The following APPL1 variants were observed in gnomAD, a reference collection of about 807,000 sequenced individuals.
APPL1 encodes adaptor protein, phosphotyrosine interacting with PH domain and leucine zipper 1.
In APPL1, 42 loss-of-function variants were observed where a neutral mutation model predicts 106.8. The ratio of observed to expected loss-of-function variants is 0.39; its 90% confidence interval spans 0.31 to 0.51. The LOEUF (loss-of-function observed/expected upper bound fraction) is 0.51. APPL1 is among the 20% of genes least tolerant of loss of function. APPL1 has a pLI of 0.75. For synonymous variants in APPL1, 263 were observed against 281.8 expected, an observed-to-expected ratio of 0.93 and a Z score of 0.67; for missense variants, 769 against 858.2, an observed-to-expected ratio of 0.90 and a Z score of 1.30.
rs561378594 is a variant in APPL1 at position 57,266,784 on chromosome 3, G to A, written c.1843-958G>A. On this transcript the variant is annotated intron_variant, in intron 19 of 21. Transcript: ENST00000288266. The stretch of plus-strand genomic sequence containing the variant: ...GATTTTTGTGTATGGTGAGAGGGAG[G>A]GGTCTGGTTTCATTCTTCTACATGT... Among the ~76,000 whole-genome samples, 9 of 152,150 alleles carry A rather than the reference G, an allele frequency of 5.9e-5. No individual in the cohort carries two copies. The South Asian group carries it at 1.9e-3, about 32-fold the overall frequency.
chr3:57,240,951 G>C (rs1315421254), intron 5 of APPL1, among the ~76,000 whole-genome samples: 2 of 152,214 alleles, frequency 1.3e-5, no homozygotes, highest in Non-Finnish European at 2.9e-5. Flanking sequence ...AGAGGGACTA[G>C]AGTGCACAAG....
At chr3:57,259,697 G>A in intron 16 of APPL1, 148 bp from the exon 17 acceptor site, 1 of 605,830 alleles carries the variant, frequency 1.7e-6, no homozygotes, top group East Asian at 3.2e-5. Flanking sequence ...ATTTTGAAAT[G>A]TCTCCCTTAG....
intron 1 of APPL1, among the ~76,000 whole-genome samples, chr3:57,234,260 T>G (rs2107596270): frequency 6.6e-6 from 1 of 152,150 alleles, no homozygotes; most frequent in African/African-American, 2.4e-5. Context: ...TTGATAGCCT[T>G]AGTTTCCTTA....
At position 57,242,108 on chromosome 3, in the gene APPL1, A is replaced by T; in HGVS notation, c.381A>T (p.Leu127=). Residue 127 remains leucine (L), a synonymous_variant, in exon 6 of 22, where the codon CTA becomes CTT. Coordinates refer to ENST00000288266, the MANE Select transcript of APPL1 (RefSeq NM_012096.3). ...QFKERDLKEI[L]TLKEVFQIAS... is the part of the protein sequence containing the mutation. ...ATTCTTGAACTTTTTCAGAAATACT[A>T]ACATTAAAGGAAGTATTTCAGATTG... The T allele has an allele frequency of 6.3e-7, 1 of 1,590,380 alleles. No homozygotes were observed. Among genetic ancestry groups the T allele is most frequent in the East Asian group, 2.3e-5 (1 of 44,238 alleles).
At chr3:57,261,375 T>A (rs2060864352) in intron 19 of APPL1, among the ~76,000 whole-genome samples, 1 of 152,238 alleles carries the variant, frequency 6.6e-6, no homozygotes. Flanking sequence ...AACATTTAGA[T>A]TGACTTAATA....
chr3:57,249,659 TTAAGA>T, intron 11 of APPL1, 111 bp downstream of exon 11: 1 of 928,970 alleles, frequency 1.1e-6, no homozygotes, highest in Non-Finnish European at 1.5e-6. Flanking sequence ...TCATTATGTA[TTAAGA>T]TAAATTGCTT....
At chr3:57,267,081 A>T (rs1163384087) in intron 19 of APPL1, among the ~76,000 whole-genome samples, 1 of 152,092 alleles carries the variant, frequency 6.6e-6, no homozygotes, top group African/African-American at 2.4e-5. Context: ...TTTGCATTGA[A>T]CCTATAGATT....
At position 57,269,845 on chromosome 3, in the gene APPL1, A is replaced by G. The variant is rs1039289464; in HGVS notation, c.*158A>G. 3.6e-5 allele frequency: 31 copies of G among 856,582 alleles called. No homozygotes were observed. The highest frequency in any genetic ancestry group is 5.0e-5 in the Non-Finnish European group (29 of 577,588). The allele number at this position is 856,582 out of a possible 1,614,324, so 53.1% of individuals were successfully genotyped here. A position where few individuals can be genotyped will look rare whatever the true frequency, so the allele number is the denominator to read the frequency against. On this transcript the variant is annotated 3_prime_UTR_variant, in exon 22 of 22. Transcript: ENST00000288266. ...TTTAAAAAAAAGATTGAACTTGATGACTTAGGTTTGCATTGATCTTTTTTC... is the reference window on the plus strand; with the variant it reads ...TTTAAAAAAAAGATTGAACTTGATGGCTTAGGTTTGCATTGATCTTTTTTC...
Position 57,246,935 on chromosome 3 carries a change from T to C in APPL1, c.622-460T>C, listed in dbSNP as rs77495090. Among the ~76,000 whole-genome samples the C allele has an allele frequency of 5.4e-4, 80 of 149,522 alleles. 1 individual carries two copies. In the East Asian group the frequency reaches 8.7e-3, roughly 16 times the overall value. ...GAAGGATCCCTTGAGCCTAGGAGGCTGAGGCTGCAGTGAGGTTTTATTGTG... is the reference window on the plus strand; with the variant it reads ...GAAGGATCCCTTGAGCCTAGGAGGCCGAGGCTGCAGTGAGGTTTTATTGTG... On this transcript the variant is annotated intron_variant, in intron 8 of 21. Coordinates refer to ENST00000288266, the MANE Select transcript of APPL1 (RefSeq NM_012096.3).
In APPL1 at chr3:57,228,003, C is replaced by T; in HGVS notation, c.54+66C>T. ...CTGGCCGACCCCAGGTCTGGCGCCT[C>T]CGCGGCTCCCGCAGGTGCCCGCCCC... On this transcript the variant is annotated intron_variant, in intron 1 of 21. Transcript: ENST00000288266. The surrounding 1 kb of genome is among the most constrained non-coding windows in gnomAD (Gnocchi z 4.6). 3 of 1,306,364 alleles carry T rather than the reference C, an allele frequency of 2.3e-6. No individual in the cohort carries two copies. The highest frequency in any genetic ancestry group is 3.0e-6 in the Non-Finnish European group (3 of 1,002,696). 80.9% of individuals were successfully genotyped at this position (1,306,364 alleles called of 1,614,324 possible). A position where few individuals can be genotyped will look rare whatever the true frequency, so the allele number is the denominator to read the frequency against.
chr3:57,267,028 ATGCCTCCAGC>A (rs2107612263), intron 19 of APPL1, among the ~76,000 whole-genome samples: 2 of 152,054 alleles, frequency 1.3e-5, no homozygotes, highest in South Asian at 4.1e-4. Flanking sequence ...AGGTAATGTG[ATGCCTCCAGC>A]TTTGTTCTTT....
intron 12 of APPL1, among the ~76,000 whole-genome samples, chr3:57,253,378 A>G (rs959325958): frequency 2.6e-5 from 4 of 152,082 alleles, no homozygotes; most frequent in African/African-American, 9.7e-5. Context: ...ATTGCCTTAT[A>G]TGAATTAAAC....
In APPL1 at chr3:57,262,927, T is replaced by C. The variant is rs530825957; in HGVS notation, c.1842+2153T>C. Among the ~76,000 whole-genome samples, 37 of 151,026 alleles carry C rather than the reference T, an allele frequency of 2.4e-4. No individual in the cohort carries two copies. The Middle Eastern group carries it at 0.01, about 43-fold the overall frequency. On this transcript the variant is annotated intron_variant, in intron 19 of 21. Coordinates refer to ENST00000288266, the MANE Select transcript of APPL1 (RefSeq NM_012096.3). ...GTGCAATGGCGCGATCTTGGCTCAT[T>C]GCAACCTCCGCCCCCTCGGGTTTAA...
At chr3:57,250,912 A>G (rs1205909764) in intron 11 of APPL1, among the ~76,000 whole-genome samples, 3 of 139,048 alleles carry the variant, frequency 2.2e-5, no homozygotes, top group Middle Eastern at 4.4e-3. Flanking sequence ...GGTTCACGCC[A>G]TTCTCCTGCC....
chr3:57,269,633 G>A lies in APPL1; in HGVS notation c.2076G>A (p.Gln692=), dbSNP rs146152896. 1 of 1,614,114 alleles carries A rather than the reference G, an allele frequency of 6.2e-7. No individual in the cohort carries two copies. The highest frequency in any genetic ancestry group is 1.1e-5 in the South Asian group (1 of 91,068). Residue 692 remains glutamine (Q), a synonymous_variant, in exon 22 of 22, where the codon CAG becomes CAA. Transcript: ENST00000288266. ...EGQFVVLSSS[Q]SEESDLGEGG... is the part of the protein sequence containing the mutation. ...AGTTTGTTGTCCTTAGCAGTAGCCA[G>A]TCAGAAGAGAGTGATTTGGGAGAAG...
chr3:57,268,417 AAC>A lies in APPL1; in HGVS notation c.1915_1916del (p.Gln639LysfsTer16). On this transcript the variant is annotated frameshift_variant, in exon 21 of 22. Transcript: ENST00000288266. LOFTEE classifies it high-confidence loss of function. ...CTTTAGGATCGTAGGGCATCAGAAAAACAAAAAGAAATAGAGAGAGTAAAAGA... is the reference window on the plus strand; with the variant it reads ...CTTTAGGATCGTAGGGCATCAGAAAAAAAAAGAAATAGAGAGAGTAAAAGA... The A allele has an allele frequency of 6.3e-7, 1 of 1,594,998 alleles. No individual in the cohort carries two copies. Among genetic ancestry groups the A allele is most frequent in the Non-Finnish European group, 8.5e-7 (1 of 1,169,616 alleles).
At chr3:57,232,280 A>G (rs1405645998) in intron 1 of APPL1, among the ~76,000 whole-genome samples, 1 of 152,244 alleles carries the variant, frequency 6.6e-6, no homozygotes, top group African/African-American at 2.4e-5. Flanking sequence ...ATTAATCATG[A>G]GATGTGCCTT....
intron 13 of APPL1, among the ~76,000 whole-genome samples, chr3:57,255,302 G>C (rs1397719549): frequency 6.6e-6 from 1 of 152,168 alleles, no homozygotes; most frequent in African/African-American, 2.4e-5. Context: ...TTTCAGCTGA[G>C]GCTGGGAGGG....
rs1033940056 is a variant in APPL1 at position 57,237,451 on chromosome 3, T to C, written c.154-41T>C. ...TATTTAATTAGAAAAAACTAAAACT[T>C]TTTTCCCAGTAATATGCTAATTTGA... On this transcript the variant is annotated intron_variant, in intron 2 of 21. Coordinates refer to ENST00000288266, the MANE Select transcript of APPL1 (RefSeq NM_012096.3). 3 of 1,482,920 alleles carry C rather than the reference T, an allele frequency of 2.0e-6. No homozygotes were observed. The African/African-American group carries it at 4.2e-5, about 21-fold the overall frequency. The allele number at this position is 1,482,920 out of a possible 1,614,324, so 91.9% of individuals were successfully genotyped here. A position where few individuals can be genotyped will look rare whatever the true frequency, so the allele number is the denominator to read the frequency against.
Sources: allele counts gnomAD v4.1 joint callset (sites outside exome capture counted in the v4.1 genomes callset), GRCh38; gene constraint gnomAD v4.1.1; non-coding constraint Gnocchi (gnomAD v3.1); transcripts MANE v1.5; gene names NCBI Gene and HGNC (gene_info 2026-07-23, HGNC 2026-07-21).